Variants in RGS6 observed in about 807,000 individuals in gnomAD.
The protein encoded by RGS6 is regulator of G protein signaling 6.
Under a neutral mutation model 78.5 loss-of-function variants are expected in RGS6, and 30 were observed. That is an observed-to-expected ratio of 0.38 (90% CI 0.29 to 0.52). The LOEUF (loss-of-function observed/expected upper bound fraction) is 0.52. RGS6 is among the 20% of genes least tolerant of loss of function. The pLI, the probability that RGS6 is intolerant of heterozygous loss-of-function variation, is 0.85. For synonymous variants in RGS6, 206 were observed against 206.0 expected, an observed-to-expected ratio of 1.00 and a Z score of 0.00; for missense variants, 495 against 609.7, an observed-to-expected ratio of 0.81 and a Z score of 1.98.
In RGS6 at chr14:72,348,215, A is replaced by G. The variant is rs1226338190; in HGVS notation, c.85-3880A>G. On this transcript the variant is annotated intron_variant, in intron 2 of 17. Coordinates refer to ENST00000553525, the MANE Select transcript of RGS6 (RefSeq NM_001204424.2). ...TTTCTAAAAGTCTGAGAAATAGAAG[A>G]TGAACTTTAGATTTGATAAACAGGG... Among the ~76,000 whole-genome samples the G allele has an allele frequency of 2.0e-5, 3 of 152,208 alleles. No individual in the cohort carries two copies. The South Asian group carries it at 6.2e-4, about 32-fold the overall frequency.
At position 72,562,491 on chromosome 14, in the gene RGS6, C is replaced by G. The variant is rs755771706; in HGVS notation, c.*24C>G. On this transcript the variant is annotated 3_prime_UTR_variant, in exon 18 of 18. Coordinates refer to ENST00000553525, the MANE Select transcript of RGS6 (RefSeq NM_001204424.2). ...GACCGTTCCTACCGCAGGTCCAGGG[C>G]CTGGGCCCGCGGACCCCACAGGCAG... is the stretch of plus-strand genomic sequence containing the variant. 22 of 1,610,774 alleles carry G rather than the reference C, an allele frequency of 1.4e-5. No individual in the cohort carries two copies. Among genetic ancestry groups the G allele is most frequent in the Non-Finnish European group, 1.5e-5 (18 of 1,179,942 alleles).
chr14:72,576,596 A>G, the RGS6 span, among the ~76,000 whole-genome samples: 1 of 152,216 alleles, frequency 6.6e-6, no homozygotes. Flanking sequence ...CAAAATGATT[A>G]TCTGTTACGA....
chr14:72,201,571 CTTAA>C (rs1273826712), intron 2 of RGS6, among the ~76,000 whole-genome samples: 1 of 152,172 alleles, frequency 6.6e-6, no homozygotes, highest in Non-Finnish European at 1.5e-5. Context: ...CTACAAGAAT[CTTAA>C]TTAAAGAAGT....
chr14:72,554,757 A>T (rs2153539063), intron 17 of RGS6, among the ~76,000 whole-genome samples: 1 of 152,338 alleles, frequency 6.6e-6, no homozygotes, highest in South Asian at 2.1e-4. Context: ...GAGAAGAGAG[A>T]GCTGGTGTGA....
chr14:72,571,548 G>A, the RGS6 span, among the ~76,000 whole-genome samples: 8 of 152,162 alleles, frequency 5.3e-5, no homozygotes, highest in African/African-American at 1.9e-4. Flanking sequence ...TTTTTAACAA[G>A]AGTGTCAAAA....
At chr14:72,520,182 T>C (rs77100658) in intron 15 of RGS6, among the ~76,000 whole-genome samples, 5,698 of 152,298 alleles carry the variant, frequency 0.037, 356 homozygotes, top group African/African-American at 0.13. Context: ...TTTGTTTTAA[T>C]ATTGCCACAA....
intron 2 of RGS6, among the ~76,000 whole-genome samples, chr14:72,299,795 C>T (rs1261940689): frequency 6.6e-6 from 1 of 152,138 alleles, no homozygotes; most frequent in Non-Finnish European, 1.5e-5. Flanking sequence ...GGGGAAATAT[C>T]CATTCAGCCT....
At chr14:72,550,615 G>C in intron 17 of RGS6, 1 of 1,531,702 alleles carries the variant, frequency 6.5e-7, no homozygotes, top group Non-Finnish European at 8.7e-7. Context: ...CTCTGTCCTG[G>C]TTAATACTAG....
rs182085744 is a variant in RGS6, at chr14:72,301,578, C to T, written c.85-50517C>T. ...TATCAGTTTGCTAGGGCTGTCACAA[C>T]GAAGTACCACAAACTGAGTCACCTA... On this transcript the variant is annotated intron_variant, in intron 2 of 17. Transcript: ENST00000553525. Among the ~76,000 whole-genome samples, 45 of 152,238 alleles carry T rather than the reference C, an allele frequency of 3.0e-4. 1 individual carries two copies. The East Asian group carries it at 6.8e-3, about 23-fold the overall frequency.
At chr14:71,938,318 A>G (rs975292636) in intron 1 of RGS6, among the ~76,000 whole-genome samples, 5 of 152,250 alleles carry the variant, frequency 3.3e-5, no homozygotes, top group African/African-American at 1.2e-4. Context: ...ATGAATTGAT[A>G]TATAATCGCA....
intron 2 of RGS6, among the ~76,000 whole-genome samples, chr14:72,264,061 C>T (rs2058626262): frequency 1.3e-5 from 2 of 152,164 alleles, no homozygotes; most frequent in Non-Finnish European, 2.9e-5. Flanking sequence ...AACACGTGAA[C>T]ATTCATACTA....
intron 3 of RGS6, among the ~76,000 whole-genome samples, chr14:72,382,175 G>A (rs2152893661): frequency 6.6e-6 from 1 of 152,078 alleles, no homozygotes; most frequent in African/African-American, 2.4e-5. Context: ...GCCACAATTG[G>A]AAGAAGATAT....
At chr14:72,609,201 G>A in the RGS6 span, among the ~76,000 whole-genome samples, 1 of 152,126 alleles carries the variant, frequency 6.6e-6, no homozygotes, top group Non-Finnish European at 1.5e-5. Context: ...GCATTCCATG[G>A]GATATCGAGG....
the RGS6 span, among the ~76,000 whole-genome samples, chr14:71,917,633 T>G: frequency 6.6e-6 from 1 of 152,156 alleles, no homozygotes; most frequent in Admixed American, 6.5e-5. Context: ...CAGTCTTGAC[T>G]GCTTTTTAGC....
intron 2 of RGS6, among the ~76,000 whole-genome samples, chr14:72,010,646 T>C (rs532340473): frequency 9.9e-5 from 15 of 152,268 alleles, no homozygotes; most frequent in Admixed American, 5.2e-4. Flanking sequence ...ACAAACCAGA[T>C]TGAAAATCAA....
rs138950087 is a variant in RGS6, at chr14:72,142,457, G to C, written c.84+177582G>C. On this transcript the variant is annotated intron_variant, in intron 2 of 17. Transcript: ENST00000553525. ...GTCCCCTTCTCTGCGTCATTGCTTCGCCAGGCCTGCATGAAAATCACTCAG... is the reference window on the plus strand; with the variant it reads ...GTCCCCTTCTCTGCGTCATTGCTTCCCCAGGCCTGCATGAAAATCACTCAG... Among the ~76,000 whole-genome samples the C allele has an allele frequency of 2.8e-3, 424 of 152,216 alleles. 1 individual carries two copies. The highest frequency in any genetic ancestry group is 9.3e-3 in the African/African-American group (388 of 41,528).
chr14:72,370,426 T>A (rs1415636842), intron 3 of RGS6, among the ~76,000 whole-genome samples: 2 of 152,160 alleles, frequency 1.3e-5, no homozygotes, highest in Non-Finnish European at 2.9e-5. Flanking sequence ...CTGACTCTGG[T>A]ATTGACTATT....
At chr14:72,410,032 A>G (rs947839753) in intron 3 of RGS6, among the ~76,000 whole-genome samples, 7 of 152,174 alleles carry the variant, frequency 4.6e-5, no homozygotes, top group African/African-American at 1.2e-4. Context: ...ATACATGTGC[A>G]TGTGTCTTTA....
Position 72,233,900 on chromosome 14 carries a change from G to C in RGS6, c.85-118195G>C, listed in dbSNP as rs994352810. 2.6e-5 allele frequency among the ~76,000 whole-genome samples: 4 copies of C among 152,122 alleles called. No homozygotes were observed. The East Asian group carries it at 7.7e-4, about 29-fold the overall frequency. On this transcript the variant is annotated intron_variant, in intron 2 of 17. Coordinates refer to ENST00000553525, the MANE Select transcript of RGS6 (RefSeq NM_001204424.2). Reference sequence around the variant, plus strand: ...AAGACCTTGGCTGTTTGTGGTGATGGGGTGAAGGACCGAATAGTTAGAGTT... The same window carrying C: ...AAGACCTTGGCTGTTTGTGGTGATGCGGTGAAGGACCGAATAGTTAGAGTT...
Sources: allele counts gnomAD v4.1 joint callset (sites outside exome capture counted in the v4.1 genomes callset), GRCh38; gene constraint gnomAD v4.1.1; transcripts MANE v1.5; gene names NCBI Gene and HGNC (gene_info 2026-07-23, HGNC 2026-07-21).